RFK: variants seen among roughly 807,000 people sequenced by gnomAD.
RFK encodes riboflavin kinase, also known as 0610038L10Rik.
RFK carries 4 observed loss-of-function variants against 17.6 expected under a neutral mutation model. The ratio of observed to expected loss-of-function variants is 0.23; its 90% CI spans 0.11 to 0.52. RFK has a LOEUF of 0.52. RFK is among the 20% of genes least tolerant of loss of function. The pLI, the probability that RFK is intolerant of heterozygous loss-of-function variation, is 0.96. For synonymous variants in RFK, 59 were observed against 63.8 expected (o/e 0.92, Z 0.36); for missense variants, 189 against 187.7 (o/e 1.01, Z -0.04).
intron 2 of RFK, among the ~76,000 whole-genome samples, chr9:76,391,399 A>T (rs1822819074): frequency 6.6e-6 from 1 of 152,252 alleles, no homozygotes; most frequent in South Asian, 2.1e-4. Context: ...AGGGCAGAAA[A>T]GTATACCCTC....
rs1822753134 is a variant in RFK, at chr9:76,387,442, T to C, written c.425A>G (p.Asn142Ser). 3 of 1,611,214 alleles carry C rather than the reference T, an allele frequency of 1.9e-6. No homozygotes were observed. The highest frequency in any genetic ancestry group is 1.7e-5 in the Admixed American group (1 of 59,946). ...LPEHLKIKED[N>S]FFQVSKSKIM... ...TTTGCTTTTAGAAACCTGGAAGAAA[T>C]TGTCTTCTTTGATTTTCAAATGTTC... Residue 142 changes from asparagine to serine, a missense_variant, in exon 4 of 4, where the codon AAT (asparagine) becomes AGT (serine). Physicochemically the swap from Asn to Ser is conservative, Grantham distance 46. This residue lies in a region of RFK where 95 missense variants were observed against 95.7 expected (regional missense o/e 0.99). Transcript: ENST00000376736.
rs1353656261 is a variant in RFK, at chr9:76,392,463, C to T, written c.189G>A (p.Val63=). The change falls in exon 2 of 4, where the codon GTG becomes GTA. Residue 63 remains valine (V), a synonymous_variant. Transcript: ENST00000376736. ...TGTAATATGGGTTCCATCCTATGCTCACCACCATCTTATGGACATCTCCAC... is the reference window on the plus strand; with the variant it reads ...TGTAATATGGGTTCCATCCTATGCTTACCACCATCTTATGGACATCTCCAC... ...VGSGDVHKMV[V]SIGWNPYYKN... is the part of the protein sequence containing the mutation. 1 of 1,614,206 alleles carries T rather than the reference C, an allele frequency of 6.2e-7. No individual in the cohort carries two copies. The highest frequency in any genetic ancestry group is 2.2e-5 in the East Asian group (1 of 44,892).
chr9:76,393,029 G>A (rs1459085123), intron 1 of RFK, among the ~76,000 whole-genome samples: 1 of 152,102 alleles, frequency 6.6e-6, no homozygotes, highest in Non-Finnish European at 1.5e-5. Flanking sequence ...TTCCGGCTCA[G>A]ATTTCCCTCT....
Position 76,385,636 on chromosome 9 carries a change from C to T in RFK, c.*1763G>A, listed in dbSNP as rs1437944027. On this transcript the variant is annotated 3_prime_UTR_variant, in exon 4 of 4. Coordinates refer to ENST00000376736, the MANE Select transcript of RFK (RefSeq NM_018339.6). ...TATAAAAGTTTTTGAAAGATATAGA[C>T]ACAATTAACCCCTAAACAACACACT... 1 of 152,140 alleles carries T rather than the reference C, an allele frequency of 6.6e-6. No homozygotes were observed. Among genetic ancestry groups the T allele is most frequent in the African/African-American group, 2.4e-5 (1 of 41,420 alleles). 9.4% of individuals were successfully genotyped at this position (152,140 alleles called of 1,614,324 possible). A position where few individuals can be genotyped will look rare whatever the true frequency, so the allele number is the denominator to read the frequency against.
At chr9:76,393,057 G>A (rs571500005) in intron 1 of RFK, among the ~76,000 whole-genome samples, 1 of 152,024 alleles carries the variant, frequency 6.6e-6, no homozygotes, top group Non-Finnish European at 1.5e-5. Context: ...ATGTGAATAG[G>A]TTATGAATAA....
chr9:76,389,434 G>A (rs1248757469), intron 2 of RFK, among the ~76,000 whole-genome samples: 2 of 152,046 alleles, frequency 1.3e-5, no homozygotes, highest in African/African-American at 2.4e-5. Flanking sequence ...TTTCTTTTCA[G>A]TAAACATTTG....
intron 3 of RFK, chr9:76,387,806 C>T: frequency 3.6e-6 from 1 of 278,288 alleles, no homozygotes. Flanking sequence ...TCGAGACCAG[C>T]CTGGCCAGCA....
In RFK at chr9:76,386,145, T is replaced by A. The variant is rs1822728052; in HGVS notation, c.*1254A>T. The A allele has an allele frequency of 6.6e-6, 1 of 152,212 alleles. No individual in the cohort carries two copies. Among genetic ancestry groups the A allele is most frequent in the Non-Finnish European group, 1.5e-5 (1 of 68,036 alleles). The allele number at this position is 152,212 out of a possible 1,614,324, so 9.4% of individuals were successfully genotyped here. ...GCTACAGTGAACTGTAGCAATGTAC[T>A]GTTTGAGGGGGCCCAAAGCATCTGT... On this transcript the variant is annotated 3_prime_UTR_variant, in exon 4 of 4. Coordinates refer to ENST00000376736, the MANE Select transcript of RFK (RefSeq NM_018339.6).
Position 76,387,502 on chromosome 9 carries a change from T to C in RFK, c.365A>G (p.Asp122Gly). 3.1e-6 allele frequency: 5 copies of C among 1,611,410 alleles called. No individual in the cohort carries two copies. The highest frequency in any genetic ancestry group is 4.2e-6 in the Non-Finnish European group (5 of 1,179,482). The change falls in exon 4 of 4, where the codon GAT becomes GGT. Residue 122 changes from aspartate (D) to glycine (G), a missense_variant. Asp to Gly is a moderately conservative substitution (Grantham distance 94, BLOSUM62 -1). Transcript: ENST00000376736. ...TAGTCGTTTCTTAGCTTCTTCAATA[T>C]CACCTTGAATTGCTGAAATAAGTGA... ...LESLISAIQG[D>G]IEEAKKRLEL...
chr9:76,389,946 T>C (rs560832061), intron 2 of RFK, among the ~76,000 whole-genome samples: 30 of 152,178 alleles, frequency 2.0e-4, no homozygotes, highest in Non-Finnish European at 4.1e-4. Flanking sequence ...ATTCTAAAAT[T>C]TATATGGAAA....
At chr9:76,388,952 CT>C (rs1247510482) in intron 2 of RFK, among the ~76,000 whole-genome samples, 1 of 152,092 alleles carries the variant, frequency 6.6e-6, no homozygotes, top group Non-Finnish European at 1.5e-5. Flanking sequence ...AAGTAAGTAT[CT>C]TATCAAGGTG....
At chr9:76,393,160 G>C (rs906850647) in intron 1 of RFK, among the ~76,000 whole-genome samples, 2 of 151,402 alleles carry the variant, frequency 1.3e-5, no homozygotes, top group South Asian at 4.2e-4. Flanking sequence ...GATTTTTTCA[G>C]ATCTGTTCTT....
intron 2 of RFK, among the ~76,000 whole-genome samples, chr9:76,391,188 G>T (rs1251134966): frequency 6.6e-6 from 1 of 152,180 alleles, no homozygotes; most frequent in African/African-American, 2.4e-5. Context: ...AAAATGTTAA[G>T]TACTTCTGCG....
intron 1 of RFK, 25 bp from the exon 2 acceptor site, chr9:76,392,594 G>A: frequency 6.2e-7 from 1 of 1,612,998 alleles, no homozygotes; most frequent in Non-Finnish European, 8.5e-7. Context: ...AAAATATTTT[G>A]AGTCTTACAA....
At chr9:76,389,143 G>A (rs1048635150) in intron 2 of RFK, among the ~76,000 whole-genome samples, 4 of 152,190 alleles carry the variant, frequency 2.6e-5, no homozygotes, top group African/African-American at 9.7e-5. Flanking sequence ...TTCCTGATCA[G>A]GGAGTAAAGT....
At chr9:76,393,955 G>T in intron 1 of RFK, 135 bp downstream of exon 1, 4 of 756,454 alleles carry the variant, frequency 5.3e-6, no homozygotes, top group South Asian at 1.9e-5. Flanking sequence ...CAGACAAGGG[G>T]ATGCGGGAGG....
At chr9:76,391,771 T>C (rs1481586715) in intron 2 of RFK, among the ~76,000 whole-genome samples, 2 of 152,176 alleles carry the variant, frequency 1.3e-5, no homozygotes, top group Non-Finnish European at 2.9e-5. Context: ...TATAAGGATG[T>C]AATCTGAGCC....
At chr9:76,391,737 T>A (rs1042955009) in intron 2 of RFK, among the ~76,000 whole-genome samples, 1 of 152,206 alleles carries the variant, frequency 6.6e-6, no homozygotes, top group Non-Finnish European at 1.5e-5. Flanking sequence ...CAATTATTAA[T>A]CTTTGTTATT....
In RFK at chr9:76,387,644, T is replaced by G. The variant is rs897858476; in HGVS notation, c.338-115A>C. 3 of 909,276 alleles carry G rather than the reference T, an allele frequency of 3.3e-6. No homozygotes were observed. In the African/African-American group the frequency reaches 5.0e-5, roughly 15 times the overall value. 56.3% of individuals were successfully genotyped at this position (909,276 alleles called of 1,614,324 possible). On this transcript the variant is annotated intron_variant, in intron 3 of 3. Transcript: ENST00000376736. ...AGGCTGGCAGTATCTCTGCACAGGG[T>G]AGATACCCAATAAATGTTTGTTCCA...
Sources: allele counts gnomAD v4.1 joint callset (sites outside exome capture counted in the v4.1 genomes callset), GRCh38; gene constraint gnomAD v4.1.1; regional missense constraint gnomAD v4.1.1; transcripts MANE v1.5; gene names NCBI Gene and HGNC (gene_info 2026-07-23, HGNC 2026-07-21).